MYO5A: variants seen among roughly 807,000 people sequenced by gnomAD.
MYO5A encodes the protein unconventional myosin-Va.
A neutral mutation model predicts 249.7 loss-of-function variants in MYO5A; 98 were observed. The ratio of observed to expected loss-of-function variants is 0.39; its 90% CI spans 0.33 to 0.46. The LOEUF is 0.46. MYO5A is among the 20% of genes least tolerant of loss of function. The probability of loss-of-function intolerance (pLI) is 0.98; values close to 1 mark genes in which losing one functional copy is unlikely to be tolerated. For missense variants in MYO5A, 1,696 were observed against 2,308.8 expected, an observed-to-expected ratio of 0.73 and a Z score of 5.44; for synonymous variants, 778 against 810.6, an observed-to-expected ratio of 0.96 and a Z score of 0.68.
intron 9 of MYO5A, among the ~76,000 whole-genome samples, chr15:52,401,342 C>A (rs1037598962): frequency 6.6e-6 from 1 of 152,134 alleles, no homozygotes; most frequent in African/African-American, 2.4e-5. Flanking sequence ...AGTGCTGGGA[C>A]TACAGGTGTG....
At chr15:52,313,942 T>C in intron 41 of MYO5A, 94 bp from the exon 42 acceptor site, 2 of 1,470,808 alleles carry the variant, frequency 1.4e-6, no homozygotes, top group Non-Finnish European at 1.9e-6. Context: ...AATTCTCAAC[T>C]AATGAAGAAT....
chr15:52,478,953 A>C (rs1009580285), intron 1 of MYO5A, among the ~76,000 whole-genome samples: 2 of 152,180 alleles, frequency 1.3e-5, no homozygotes, highest in Non-Finnish European at 2.9e-5. Flanking sequence ...TCAACTGTGA[A>C]CAGTGCCATG....
chr15:52,411,537 C>CA (rs201405373), intron 5 of MYO5A, among the ~76,000 whole-genome samples: 328 of 122,258 alleles, frequency 2.7e-3, no homozygotes, highest in Admixed American at 6.9e-3. Context: ...TAAGGCAAAG[C>CA]AAAAAAAAAA....
chr15:52,503,795 TA>T (rs2077205520), intron 1 of MYO5A, among the ~76,000 whole-genome samples: 1 of 152,222 alleles, frequency 6.6e-6, no homozygotes, highest in Admixed American at 6.5e-5. Flanking sequence ...ACAAGGGTCC[TA>T]TGTATTTTCT....
At position 52,480,954 on chromosome 15, in the gene MYO5A, C is replaced by T. The variant is rs116452298; in HGVS notation, c.28-47669G>A. ...GTCCTGGGATACAGCATTGCACTTG[C>T]AGCTGGATTCATGGTTGGGTTCCCT... On this transcript the variant is annotated intron_variant, in intron 1 of 41. Transcript: ENST00000399233. Among the ~76,000 whole-genome samples the T allele has an allele frequency of 2.7e-3, 409 of 152,318 alleles. 3 individuals are homozygous for T. Among genetic ancestry groups the T allele is most frequent in the African/African-American group, 9.6e-3 (398 of 41,574 alleles).
At chr15:52,525,399 T>C (rs1221309668) in intron 1 of MYO5A, among the ~76,000 whole-genome samples, 1 of 152,232 alleles carries the variant, frequency 6.6e-6, no homozygotes, top group Non-Finnish European at 1.5e-5. Context: ...TTAAAATGTT[T>C]ATACTGCTGG....
At chr15:52,336,211 C>T (rs1217304265) in intron 34 of MYO5A, among the ~76,000 whole-genome samples, 1 of 152,118 alleles carries the variant, frequency 6.6e-6, no homozygotes, top group East Asian at 1.9e-4. Context: ...CATTGTCTGG[C>T]ATATAGAAGA....
intron 1 of MYO5A, among the ~76,000 whole-genome samples, chr15:52,469,013 TA>T (rs2076405585): frequency 6.6e-6 from 1 of 152,218 alleles, no homozygotes; most frequent in South Asian, 2.1e-4. Flanking sequence ...AGTTCATATA[TA>T]AAATTTTCCC....
At position 52,468,349 on chromosome 15, in the gene MYO5A, C is replaced by T. The variant is rs190272305; in HGVS notation, c.28-35064G>A. 3.9e-4 allele frequency among the ~76,000 whole-genome samples: 60 copies of T among 152,200 alleles called. 1 individual carries two copies. Among genetic ancestry groups the T allele is most frequent in the African/African-American group, 1.2e-3 (50 of 41,520 alleles). On this transcript the variant is annotated intron_variant, in intron 1 of 41. Transcript: ENST00000399233. The stretch of plus-strand genomic sequence containing the variant: ...ATGTGCAGTCTCACTAATAATTAAG[C>T]AAATGCAAATTTAAAATACAGTATT...
intron 27 of MYO5A, among the ~76,000 whole-genome samples, chr15:52,352,413 A>C (rs79095606): frequency 2.5e-3 from 376 of 152,354 alleles, no homozygotes; most frequent in African/African-American, 8.6e-3. Context: ...ATAAACATTG[A>C]ATATTTTATT....
chr15:52,521,827 T>C (rs1456715661), intron 1 of MYO5A, among the ~76,000 whole-genome samples: 10 of 152,144 alleles, frequency 6.6e-5, no homozygotes, highest in Admixed American at 1.3e-4. Flanking sequence ...TTAGGTTGTA[T>C]CAGCACAAAC....
intron 4 of MYO5A, among the ~76,000 whole-genome samples, chr15:52,420,060 C>T (rs1336378455): frequency 6.6e-6 from 1 of 152,106 alleles, no homozygotes; most frequent in Admixed American, 6.5e-5. Flanking sequence ...AATCCCAGCA[C>T]TTTGGGAAGG....
chr15:52,487,280 A>G (rs898486085), intron 1 of MYO5A, among the ~76,000 whole-genome samples: 3 of 151,882 alleles, frequency 2.0e-5, no homozygotes, highest in Non-Finnish European at 4.4e-5. Context: ...GCTGCACATG[A>G]TGACACACAC....
intron 14 of MYO5A, among the ~76,000 whole-genome samples, chr15:52,387,451 C>A (rs1205385936): frequency 6.6e-6 from 1 of 152,136 alleles, no homozygotes; most frequent in African/African-American, 2.4e-5. Flanking sequence ...GGCCTCTCAC[C>A]AAGGCACAAT....
At chr15:52,506,308 G>A (rs1036581510) in intron 1 of MYO5A, among the ~76,000 whole-genome samples, 6 of 152,128 alleles carry the variant, frequency 3.9e-5, no homozygotes, top group African/African-American at 9.6e-5. Context: ...CCAAGACTGC[G>A]CCGCTGCACT....
intron 5 of MYO5A, among the ~76,000 whole-genome samples, chr15:52,415,427 T>C (rs1238642656): frequency 2.6e-5 from 4 of 152,228 alleles, no homozygotes; most frequent in Admixed American, 1.3e-4. Context: ...ATTAGTTCCA[T>C]TTTCATTGGC....
At chr15:52,329,959 G>A (rs528468618) in intron 35 of MYO5A, among the ~76,000 whole-genome samples, 10 of 136,606 alleles carry the variant, frequency 7.3e-5, no homozygotes, top group East Asian at 4.2e-4. Context: ...CTATTTTCCC[G>A]AGGCTGGCCT....
intron 1 of MYO5A, among the ~76,000 whole-genome samples, chr15:52,525,411 A>G (rs2077713342): frequency 6.6e-6 from 1 of 152,238 alleles, no homozygotes. Context: ...TACTGCTGGA[A>G]AAACTTACAA....
chr15:52,376,647 G>A (rs1316588981), intron 18 of MYO5A, 89 bp from the exon 19 acceptor site: 1 of 1,250,310 alleles, frequency 8.0e-7, no homozygotes, highest in Non-Finnish European at 1.1e-6. Context: ...AATCAGTAAA[G>A]GAATGACTCT....
Sources: allele counts gnomAD v4.1 joint callset (sites outside exome capture counted in the v4.1 genomes callset), GRCh38; gene constraint gnomAD v4.1.1; transcripts MANE v1.5; gene names NCBI Gene and HGNC (gene_info 2026-07-23, HGNC 2026-07-21).